EVI5: variants seen among roughly 807,000 people sequenced by gnomAD.
EVI5 encodes the protein ecotropic viral integration site 5.
In EVI5, 73 loss-of-function variants were observed where a neutral mutation model predicts 112.0. The ratio of observed to expected loss-of-function variants is 0.65; its 90% confidence interval spans 0.54 to 0.79. The LOEUF is 0.79. Ranked by LOEUF, EVI5 falls within the 30% of genes least tolerant of loss-of-function variation. The pLI, the probability that EVI5 is intolerant of heterozygous loss-of-function variation, is 0.00. For missense variants in EVI5, 900 were observed against 968.8 expected (o/e 0.93, Z 0.94); for synonymous variants, 305 against 319.9 (o/e 0.95, Z 0.50).
intron 19 of EVI5, among the ~76,000 whole-genome samples, chr1:92,540,577 GC>G (rs1451309989): frequency 1.3e-5 from 2 of 152,006 alleles, no homozygotes; most frequent in African/African-American, 4.8e-5. Context: ...CTAGATACAG[GC>G]CCCTTATCAG....
chr1:92,563,550 G>A, intron 19 of EVI5, 92 bp downstream of exon 19: 1 of 591,102 alleles, frequency 1.7e-6, no homozygotes, highest in Non-Finnish European at 3.0e-6. Context: ...TATTCAGCAT[G>A]AAAGTGTCAG....
chr1:92,789,613 T>C (rs947483994), upstream of EVI5, among the ~76,000 whole-genome samples: 1 of 152,182 alleles, frequency 6.6e-6, no homozygotes, highest in Non-Finnish European at 1.5e-5. Context: ...TCAGATAGTT[T>C]TATTTGCGGT....
intron 19 of EVI5, among the ~76,000 whole-genome samples, chr1:92,523,730 A>G (rs1661350830): frequency 6.6e-6 from 1 of 152,098 alleles, no homozygotes; most frequent in Admixed American, 6.6e-5. Flanking sequence ...AGAATATTAG[A>G]GATGTTAAGA....
At chr1:92,547,300 T>A (rs374833156) in intron 19 of EVI5, among the ~76,000 whole-genome samples, 1 of 152,080 alleles carries the variant, frequency 6.6e-6, no homozygotes, top group African/African-American at 2.4e-5. Flanking sequence ...TTGAAACCAA[T>A]GAGAACAAAG....
At chr1:92,686,547 C>A (rs1298888349) in intron 9 of EVI5, among the ~76,000 whole-genome samples, 2 of 152,092 alleles carry the variant, frequency 1.3e-5, no homozygotes, top group South Asian at 2.1e-4. Flanking sequence ...CTGGCCAGGG[C>A]AATCAGGCAA....
intron 2 of EVI5, among the ~76,000 whole-genome samples, chr1:92,731,194 A>G (rs1368139616): frequency 2.0e-5 from 3 of 152,066 alleles, no homozygotes; most frequent in East Asian, 3.9e-4. Flanking sequence ...ATAGTGGCAC[A>G]TGCCTATAAT....
intron 19 of EVI5, among the ~76,000 whole-genome samples, chr1:92,541,153 G>C (rs1557744050): frequency 6.6e-6 from 1 of 152,092 alleles, no homozygotes; most frequent in East Asian, 1.9e-4. Context: ...GTGTTCCATA[G>C]AAGAAAGCCT....
Position 92,713,949 on chromosome 1 carries a change from C to T in EVI5, c.150-9205G>A, listed in dbSNP as rs900207260. ...GCTCACTCAAAATTTAAATTAGCAA[C>T]ATTCCCCTCCTTAATTAAAATGCAA... On this transcript the variant is annotated intron_variant, in intron 2 of 19. Coordinates refer to ENST00000684568, the MANE Select transcript of EVI5 (RefSeq NM_001350197.2). The T allele has an allele frequency of 3.6e-6, 3 of 824,234 alleles. No homozygotes were observed. In the African/African-American group the frequency reaches 5.6e-5, roughly 15 times the overall value. 51.1% of individuals were successfully genotyped at this position (824,234 alleles called of 1,614,324 possible).
intron 1 of EVI5, among the ~76,000 whole-genome samples, chr1:92,759,169 G>A (rs1326767190): frequency 6.6e-6 from 1 of 152,166 alleles, no homozygotes; most frequent in Admixed American, 6.5e-5. Flanking sequence ...GTTACAGTGA[G>A]CCGAGATCAT....
chr1:92,730,683 CA>C (rs1226099468), intron 2 of EVI5, among the ~76,000 whole-genome samples: 600 of 59,730 alleles, frequency 0.01, 3 homozygotes, highest in East Asian at 0.021. Flanking sequence ...CCTTCTCTCA[CA>C]AAAAAAAAAA....
At chr1:92,629,989 T>C (rs1656607004) in intron 14 of EVI5, among the ~76,000 whole-genome samples, 1 of 152,102 alleles carries the variant, frequency 6.6e-6, no homozygotes. Flanking sequence ...CTACAAAGGA[T>C]ATGGAACTCA....
intron 18 of EVI5, among the ~76,000 whole-genome samples, chr1:92,575,228 G>A (rs1041909965): frequency 2.0e-5 from 3 of 152,056 alleles, no homozygotes; most frequent in Non-Finnish European, 2.9e-5. Context: ...GTGGGCTTTC[G>A]TTCTTTTGCT....
chr1:92,537,986 A>T (rs758177441), intron 19 of EVI5, among the ~76,000 whole-genome samples: 6 of 152,154 alleles, frequency 3.9e-5, no homozygotes, highest in Non-Finnish European at 8.8e-5. Context: ...ATGCACCCAC[A>T]TTAATAAGTA....
intron 19 of EVI5, among the ~76,000 whole-genome samples, chr1:92,551,991 T>C (rs1385288256): frequency 6.6e-6 from 1 of 152,190 alleles, no homozygotes; most frequent in African/African-American, 2.4e-5. Context: ...TAAGTATTAA[T>C]AAACAGTTTT....
chr1:92,622,154 T>C (rs1654741613), intron 16 of EVI5: 1 of 189,088 alleles, frequency 5.3e-6, no homozygotes, highest in Non-Finnish European at 1.1e-5. Context: ...GAAATCTAAA[T>C]CTAAAATATT....
intron 1 of EVI5, among the ~76,000 whole-genome samples, chr1:92,779,877 G>T (rs1684639532): frequency 6.6e-6 from 1 of 152,180 alleles, no homozygotes; most frequent in Non-Finnish European, 1.5e-5. Flanking sequence ...TAAAGAGAAA[G>T]TAAATGGTTT....
At chr1:92,569,552 A>C (rs146790044) in intron 18 of EVI5, among the ~76,000 whole-genome samples, 116 of 152,176 alleles carry the variant, frequency 7.6e-4, no homozygotes, top group African/African-American at 2.7e-3. Flanking sequence ...TTAATCACCC[A>C]TTTTTAAAAT....
intron 17 of EVI5, among the ~76,000 whole-genome samples, chr1:92,606,232 T>C (rs1278196802): frequency 1.3e-5 from 2 of 152,212 alleles, no homozygotes; most frequent in Non-Finnish European, 2.9e-5. Context: ...AAGAAAATTA[T>C]TATTTTCAAC....
At chr1:92,615,590 ATCCCCAGTAGTGGAAACAACCCC>A (rs1652936868) in intron 16 of EVI5, among the ~76,000 whole-genome samples, 1 of 152,132 alleles carries the variant, frequency 6.6e-6, no homozygotes, top group Non-Finnish European at 1.5e-5. Context: ...CAACTTCCCC[ATCCCCAGTAGTGGAAACAACCCC>A]TCCCCAACCC....
Sources: allele counts gnomAD v4.1 joint callset (sites outside exome capture counted in the v4.1 genomes callset), GRCh38; gene constraint gnomAD v4.1.1; transcripts MANE v1.5; gene names NCBI Gene and HGNC (gene_info 2026-07-23, HGNC 2026-07-21).